Variants in WWOX observed in about 807,000 individuals in gnomAD.
WWOX encodes WW domain-containing oxidoreductase.
A neutral mutation model predicts 46.2 loss-of-function variants in WWOX; 69 were observed. The ratio of observed to expected loss-of-function variants is 1.49; its 90% CI spans 1.23 to 1.82. WWOX has a LOEUF of 1.82. WWOX is among the 40% of genes most tolerant of loss of function. The pLI is 0.00. For missense variants in WWOX, 919 were observed against 542.6 expected (o/e 1.69, Z -6.89); for synonymous variants, 359 against 202.6 (o/e 1.77, Z -6.56).
At position 78,695,066 on chromosome 16, in the gene WWOX, A is replaced by G. The variant is rs142718795; in HGVS notation, c.1056+262314A>G. Among the ~76,000 whole-genome samples the G allele has an allele frequency of 4.1e-3, 632 of 152,312 alleles. 2 individuals are homozygous for G. Among genetic ancestry groups the G allele is most frequent in the African/African-American group, 0.015 (608 of 41,578 alleles). ...CTCTTCCAATATGAAGCAAAATATT[A>G]TTGATCTAGACTGCCTGCTACTTTC... is the stretch of plus-strand genomic sequence containing the variant. On this transcript the variant is annotated intron_variant, in intron 8 of 8. Transcript: ENST00000566780.
chr16:78,402,963 G>C (rs890451966), intron 6 of WWOX, among the ~76,000 whole-genome samples: 3 of 152,030 alleles, frequency 2.0e-5, no homozygotes, highest in Non-Finnish European at 4.4e-5. Context: ...CTATTCCCAG[G>C]GCCCAGAAAG....
At chr16:79,079,007 A>G (rs2048711384) in intron 8 of WWOX, among the ~76,000 whole-genome samples, 1 of 152,246 alleles carries the variant, frequency 6.6e-6, no homozygotes, top group South Asian at 2.1e-4. Context: ...ATGCTAAAAT[A>G]TAATACATTT....
chr16:79,005,266 A>T (rs4888008), intron 8 of WWOX, among the ~76,000 whole-genome samples: 1 of 152,136 alleles, frequency 6.6e-6, no homozygotes, highest in Admixed American at 6.5e-5. Flanking sequence ...ATCTCCAGCC[A>T]AAGTCCAAGG....
chr16:78,853,850 C>T (rs544928542), intron 8 of WWOX, among the ~76,000 whole-genome samples: 14 of 152,202 alleles, frequency 9.2e-5, no homozygotes, highest in Middle Eastern at 3.4e-3. Flanking sequence ...AATAGATCTT[C>T]AGGTAAAATG....
chr16:78,470,506 A>G (rs1235024254), intron 8 of WWOX, among the ~76,000 whole-genome samples: 1 of 151,750 alleles, frequency 6.6e-6, no homozygotes, highest in Admixed American at 6.6e-5. Context: ...TTTTATTTTC[A>G]TGTATGTATA....
chr16:79,185,911 C>T (rs867171409), intron 8 of WWOX, among the ~76,000 whole-genome samples: 8 of 151,896 alleles, frequency 5.3e-5, no homozygotes, highest in African/African-American at 1.2e-4. Context: ...AGGAAAAATA[C>T]GGTAAGGCAT....
intron 6 of WWOX, among the ~76,000 whole-genome samples, chr16:78,418,752 G>C (rs917897274): frequency 1.3e-5 from 2 of 152,086 alleles, no homozygotes; most frequent in African/African-American, 4.8e-5. Flanking sequence ...ACGCTTTCTT[G>C]ATGAAAACTT....
intron 8 of WWOX, among the ~76,000 whole-genome samples, chr16:78,680,881 T>C (rs2047713956): frequency 6.6e-6 from 1 of 151,946 alleles, no homozygotes; most frequent in African/African-American, 2.4e-5. Context: ...GAGGATGAAG[T>C]GGGAGGAAAG....
chr16:78,440,330 A>G (rs1020723090), intron 8 of WWOX, among the ~76,000 whole-genome samples: 2 of 152,116 alleles, frequency 1.3e-5, no homozygotes, highest in African/African-American at 4.8e-5. Context: ...TTCTTTCCTT[A>G]GGGTTTTGAA....
intron 6 of WWOX, among the ~76,000 whole-genome samples, chr16:78,399,486 A>G (rs977399216): frequency 7.9e-5 from 12 of 152,324 alleles, no homozygotes; most frequent in African/African-American, 2.9e-4. Flanking sequence ...GACATGGATC[A>G]TGGGACTGAG....
chr16:78,518,854 C>T (rs1488616025), intron 8 of WWOX, among the ~76,000 whole-genome samples: 1 of 152,134 alleles, frequency 6.6e-6, no homozygotes, highest in Non-Finnish European at 1.5e-5. Context: ...ATAAAATGAC[C>T]TTTCAGCCCT....
intron 8 of WWOX, among the ~76,000 whole-genome samples, chr16:78,966,873 A>G (rs2151318315): frequency 6.6e-6 from 1 of 152,298 alleles, no homozygotes; most frequent in Admixed American, 6.5e-5. Flanking sequence ...AATAGTTCCC[A>G]CCTCATAGAG....
intron 8 of WWOX, among the ~76,000 whole-genome samples, chr16:78,911,988 A>G (rs1303982317): frequency 6.6e-6 from 1 of 151,954 alleles, no homozygotes; most frequent in East Asian, 1.9e-4. Context: ...TGGTCTGTGA[A>G]CCTTACCCAG....
chr16:78,838,890 G>A (rs1159694227), intron 8 of WWOX, among the ~76,000 whole-genome samples: 1 of 152,074 alleles, frequency 6.6e-6, no homozygotes, highest in African/African-American at 2.4e-5. Flanking sequence ...ATAAGTGATT[G>A]CCAGGGACTG....
chr16:78,162,708 G>C (rs2034836775), intron 4 of WWOX, among the ~76,000 whole-genome samples: 1 of 151,958 alleles, frequency 6.6e-6, no homozygotes, highest in South Asian at 2.1e-4. Flanking sequence ...TATTTCACTT[G>C]TTTTGGAACT....
chr16:78,158,587 G>A (rs796586703), intron 4 of WWOX, among the ~76,000 whole-genome samples: 20 of 149,478 alleles, frequency 1.3e-4, no homozygotes, highest in African/African-American at 4.7e-4. Context: ...AACTTTTTTT[G>A]TAGTGTTTTT....
At chr16:78,392,560 C>T (rs980779006) in intron 6 of WWOX, among the ~76,000 whole-genome samples, 5 of 152,120 alleles carry the variant, frequency 3.3e-5, no homozygotes, top group African/African-American at 1.2e-4. Context: ...TTCCAGAAAA[C>T]CACTTGCTGG....
At chr16:79,041,805 C>A (rs1262100715) in intron 8 of WWOX, among the ~76,000 whole-genome samples, 1 of 152,142 alleles carries the variant, frequency 6.6e-6, no homozygotes, top group Admixed American at 6.5e-5. Flanking sequence ...GCTTTAGCTT[C>A]CTGGCAAAAT....
intron 6 of WWOX, among the ~76,000 whole-genome samples, chr16:78,422,146 G>A (rs890026618): frequency 1.3e-5 from 2 of 152,098 alleles, no homozygotes; most frequent in Non-Finnish European, 2.9e-5. Context: ...CTCTTAAGAA[G>A]ATACGTGTTT....
Sources: gnomAD v4.1 joint callset for allele counts (sites outside exome capture counted in the v4.1 genomes callset) on GRCh38, gnomAD v4.1.1 for gene constraint, MANE v1.5 for transcripts, NCBI Gene and HGNC (gene_info 2026-07-23, HGNC 2026-07-21) for gene names.